Variants in LNP1 observed in about 807,000 individuals in gnomAD.
LNP1 encodes the protein leukemia NUP98 fusion partner 1.
A neutral mutation model predicts 14.5 loss-of-function variants in LNP1; 12 were observed. The ratio of observed to expected loss-of-function variants is 0.83; its 90% confidence interval spans 0.53 to 1.34. The LOEUF (loss-of-function observed/expected upper bound fraction) is 1.34, where lower values mean the gene tolerates loss of function less well. Among genes scored for constraint, LNP1 ranks in the 40% most tolerant of loss-of-function variants. The pLI, the probability that LNP1 is intolerant of heterozygous loss-of-function variation, is 0.00. For synonymous variants in LNP1, 75 were observed against 71.4 expected (o/e 1.05, Z -0.26); for missense variants, 198 against 210.9 (o/e 0.94, Z 0.38).
At chr3:100,437,888 C>T (rs183036911) in intron 2 of LNP1, among the ~76,000 whole-genome samples, 23 of 152,350 alleles carry the variant, frequency 1.5e-4, no homozygotes, top group East Asian at 7.7e-4. Context: ...CCAGATGTCA[C>T]ATGCTTAGGC....
intron 1 of LNP1, among the ~76,000 whole-genome samples, chr3:100,416,597 T>TTGTG (rs1491562347): frequency 9.0e-6 from 1 of 110,586 alleles, no homozygotes; most frequent in South Asian, 3.1e-4. Context: ...AGTATATCTT[T>TTGTG]TTTGTGTGTG....
intron 1 of LNP1, among the ~76,000 whole-genome samples, chr3:100,413,239 G>A (rs548611759): frequency 6.6e-6 from 1 of 152,144 alleles, no homozygotes; most frequent in Admixed American, 6.5e-5. Context: ...ATATATGGAA[G>A]CCTGTTTCTT....
intron 1 of LNP1, among the ~76,000 whole-genome samples, chr3:100,416,987 T>C (rs1350674433): frequency 6.6e-6 from 1 of 152,152 alleles, no homozygotes; most frequent in Admixed American, 6.5e-5. Context: ...TTGCTAGGTA[T>C]AAAATTCCTA....
At chr3:100,453,942 C>G (rs141877463) in intron 3 of LNP1, among the ~76,000 whole-genome samples, 21 of 152,072 alleles carry the variant, frequency 1.4e-4, no homozygotes, top group Admixed American at 1.4e-3. Flanking sequence ...GTGTTGCTAC[C>G]GAGGTTCATG....
chr3:100,455,407 A>G (rs1175927972), intron 3 of LNP1, among the ~76,000 whole-genome samples: 1 of 152,248 alleles, frequency 6.6e-6, no homozygotes, highest in East Asian at 1.9e-4. Context: ...GAGTGAACAC[A>G]GAAAGCTAAG....
chr3:100,431,080 C>T (rs1161715071), intron 2 of LNP1, among the ~76,000 whole-genome samples: 1 of 152,172 alleles, frequency 6.6e-6, no homozygotes, highest in Non-Finnish European at 1.5e-5. Flanking sequence ...AATATCCAGG[C>T]TGTGTGAACC....
intron 2 of LNP1, among the ~76,000 whole-genome samples, chr3:100,447,289 G>T (rs1707397271): frequency 6.6e-6 from 1 of 152,154 alleles, no homozygotes; most frequent in African/African-American, 2.4e-5. Flanking sequence ...ATGAGTTTAT[G>T]TCCTTTGCAG....
chr3:100,432,832 A>G (rs1707254987), intron 2 of LNP1, among the ~76,000 whole-genome samples: 1 of 152,078 alleles, frequency 6.6e-6, no homozygotes, highest in Non-Finnish European at 1.5e-5. Context: ...TTCTGTTAAC[A>G]TTGTTCTATG....
In LNP1 at chr3:100,407,448, A is replaced by G. The variant is rs9872653; in HGVS notation, c.-34+5009A>G. ...CTGGCCTGTAAGATTTCTGTTGAGA[A>G]ATCTGCTGCTAGGCATATTGGAACT... On this transcript the variant is annotated intron_variant, in intron 1 of 3. Coordinates refer to ENST00000383693, the MANE Select transcript of LNP1 (RefSeq NM_001085451.2). 4.4e-3 allele frequency among the ~76,000 whole-genome samples: 672 copies of G among 152,266 alleles called. 5 individuals carry two copies. Among genetic ancestry groups the G allele is most frequent in the African/African-American group, 0.015 (615 of 41,556 alleles).
chr3:100,429,084 T>A (rs1035731110), intron 1 of LNP1, among the ~76,000 whole-genome samples: 1 of 152,246 alleles, frequency 6.6e-6, no homozygotes, highest in Non-Finnish European at 1.5e-5. Flanking sequence ...ACTTATGATT[T>A]GTACATTTTA....
intron 2 of LNP1, among the ~76,000 whole-genome samples, chr3:100,440,702 G>A (rs921700136): frequency 5.3e-5 from 8 of 152,144 alleles, no homozygotes; most frequent in African/African-American, 1.7e-4. Flanking sequence ...ACAAGGCAAG[G>A]TGCTGGGTAC....
rs965019150 is a variant in LNP1, at chr3:100,452,038, T to A, written c.387+89T>A. The A allele has an allele frequency of 5.5e-6, 4 of 726,310 alleles. No individual in the cohort carries two copies. The South Asian group carries it at 8.4e-5, about 15-fold the overall frequency. 45.0% of individuals were successfully genotyped at this position (726,310 alleles called of 1,614,324 possible). ...TCTTTATGATTGAGGGGAACAAATG[T>A]AACTTCTTCATTTACAGCTTGGTAA... On this transcript the variant is annotated intron_variant, in intron 3 of 3. Transcript: ENST00000383693.
intron 2 of LNP1, among the ~76,000 whole-genome samples, chr3:100,436,454 A>G (rs546314883): frequency 5.8e-4 from 88 of 152,052 alleles, no homozygotes; most frequent in Middle Eastern, 3.4e-3. Context: ...TCGTTTACAT[A>G]CCTAATAAGA....
Position 100,456,119 on chromosome 3 carries a change from A to G in LNP1, c.*193A>G. 2 of 523,208 alleles carry G rather than the reference A, an allele frequency of 3.8e-6. No individual in the cohort carries two copies. The highest frequency in any genetic ancestry group is 3.4e-6 in the Non-Finnish European group (1 of 294,662). The allele number at this position is 523,208 out of a possible 1,614,324, so 32.4% of individuals were successfully genotyped here. A position where few individuals can be genotyped will look rare whatever the true frequency, so the allele number is the denominator to read the frequency against. ...CCAAGATGACTTGCATCATACCCCA[A>G]TTACTGCTGGCATCTTAGTTGAGAG... is the stretch of plus-strand genomic sequence containing the variant. On this transcript the variant is annotated 3_prime_UTR_variant, in exon 4 of 4. Transcript: ENST00000383693.
intron 1 of LNP1, among the ~76,000 whole-genome samples, chr3:100,415,356 T>G (rs9843834): frequency 0.011 from 1,718 of 152,178 alleles, 20 homozygotes; most frequent in African/African-American, 0.039. Flanking sequence ...GTAAAAGAAG[T>G]GCAAATGGAA....
chr3:100,408,886 T>C (rs1706997555), intron 1 of LNP1, among the ~76,000 whole-genome samples: 1 of 152,232 alleles, frequency 6.6e-6, no homozygotes, highest in Admixed American at 6.5e-5. Context: ...TTCTTATTAT[T>C]ATGCTATAAC....
At chr3:100,418,893 CCA>C (rs1233699283) in intron 1 of LNP1, among the ~76,000 whole-genome samples, 1 of 152,178 alleles carries the variant, frequency 6.6e-6, no homozygotes, top group Non-Finnish European at 1.5e-5. Context: ...CAAATCCCTC[CCA>C]GTTTCAGCTA....
intron 2 of LNP1, among the ~76,000 whole-genome samples, chr3:100,449,279 G>A (rs1049731088): frequency 6.6e-6 from 1 of 151,602 alleles, no homozygotes; most frequent in African/African-American, 2.4e-5. Flanking sequence ...ACATTTCTAA[G>A]TGTCTAAATA....
intron 2 of LNP1, among the ~76,000 whole-genome samples, chr3:100,442,543 G>A (rs1472781920): frequency 1.3e-5 from 2 of 152,122 alleles, no homozygotes; most frequent in East Asian, 1.9e-4. Flanking sequence ...AGTGGGGAGG[G>A]GGCTTCCAGG....
Sources: allele counts gnomAD v4.1 joint callset (sites outside exome capture counted in the v4.1 genomes callset), GRCh38; gene constraint gnomAD v4.1.1; transcripts MANE v1.5; gene names NCBI Gene and HGNC (gene_info 2026-07-23, HGNC 2026-07-21).